The following IFNAR2 variants were observed in gnomAD, a reference collection of about 807,000 sequenced individuals.
IFNAR2 encodes interferon alpha and beta receptor subunit 2, also known as interferon alpha/beta receptor 2.
Under a neutral mutation model 49.4 loss-of-function variants are expected in IFNAR2, and 30 were observed. That is an observed-to-expected ratio of 0.61 (90% confidence interval 0.45 to 0.82). The LOEUF (loss-of-function observed/expected upper bound fraction) is 0.82, where lower values mean the gene tolerates loss of function less well. Ranked by LOEUF, IFNAR2 falls within the 40% of genes least tolerant of loss-of-function variation. The probability of loss-of-function intolerance (pLI) is 0.00; values close to 1 mark genes in which losing one functional copy is unlikely to be tolerated. For missense variants in IFNAR2, 600 were observed against 622.7 expected (o/e 0.96, Z 0.39); for synonymous variants, 224 against 234.5 (o/e 0.96, Z 0.41).
intron 6 of IFNAR2, chr21:33,252,395 A>G: frequency 8.3e-7 from 1 of 1,198,660 alleles, no homozygotes; most frequent in Non-Finnish European, 1.1e-6. Context: ...TTCCTCTTTG[A>G]AGACTTTTAT....
intron 7 of IFNAR2, among the ~76,000 whole-genome samples, chr21:33,253,132 T>G (rs1987979321): frequency 6.6e-6 from 1 of 152,230 alleles, no homozygotes; most frequent in South Asian, 2.1e-4. Context: ...GTGTGGCCAT[T>G]GCTGAAGCCA....
intron 5 of IFNAR2, among the ~76,000 whole-genome samples, chr21:33,248,240 C>T (rs1448024260): frequency 1.3e-5 from 2 of 152,000 alleles, no homozygotes; most frequent in African/African-American, 4.8e-5. Flanking sequence ...GGCACAGTGG[C>T]TCACACCTGT....
At position 33,236,432 on chromosome 21, in the gene IFNAR2, C is replaced by T. The variant is rs73360253; in HGVS notation, c.-83-5408C>T. On this transcript the variant is annotated intron_variant, in intron 1 of 8. Coordinates refer to ENST00000342136, the MANE Select transcript of IFNAR2 (RefSeq NM_001289125.3). ...TAGTGGCCACGTCCAAGGGTCTTTA[C>T]GTCTCTGCCTCAGATATGCTAGGTA... 1.6e-3 allele frequency among the ~76,000 whole-genome samples: 238 copies of T among 152,310 alleles called. 3 individuals carry two copies. In the Middle Eastern group the frequency reaches 0.027, roughly 17 times the overall value.
chr21:33,250,989 G>T (rs760389370), intron 6 of IFNAR2, among the ~76,000 whole-genome samples: 2 of 152,196 alleles, frequency 1.3e-5, no homozygotes, highest in Non-Finnish European at 2.9e-5. Context: ...AGGAGGAGAC[G>T]TGGGGAAGGA....
chr21:33,246,706 T>C lies in IFNAR2; in HGVS notation c.222-12T>C. ...CTAACAATTTCCTTTTTCCATTTTT[T>C]TCTTTCCAAAGTAAACCAGAAGATT... On this transcript the variant is annotated splice_polypyrimidine_tract_variant and intron_variant, in intron 4 of 8. Transcript: ENST00000342136. 1.2e-6 allele frequency: 2 copies of C among 1,603,044 alleles called. No homozygotes were observed. The highest frequency in any genetic ancestry group is 2.2e-5 in the South Asian group (2 of 89,080).
chr21:33,245,684 A>G (rs17860189), intron 4 of IFNAR2, among the ~76,000 whole-genome samples: 1,665 of 152,154 alleles, frequency 0.011, 30 homozygotes, highest in African/African-American at 0.039. Context: ...ACACCTACCA[A>G]TCGCCCTTAG....
In IFNAR2 at chr21:33,262,776, T is replaced by C. The variant is rs748562629; in HGVS notation, c.841-17T>C. On this transcript the variant is annotated splice_polypyrimidine_tract_variant and intron_variant, in intron 8 of 8. Coordinates refer to ENST00000342136, the MANE Select transcript of IFNAR2 (RefSeq NM_001289125.3). ...CAGCTGATACGGACTCTCTCTCTCT[T>C]TTTTTTTTTTTTTAAGAATTTTCAT... 1.5e-4 allele frequency: 143 copies of C among 937,782 alleles called. No homozygotes were observed. The highest frequency in any genetic ancestry group is 3.0e-4 in the African/African-American group (13 of 42,648). 58.1% of individuals were successfully genotyped at this position (937,782 alleles called of 1,614,324 possible).
chr21:33,246,645 T>G (rs1987429516), intron 4 of IFNAR2, 73 bp from the exon 5 acceptor site: 1 of 1,154,334 alleles, frequency 8.7e-7, no homozygotes. Flanking sequence ...AACAATGAAG[T>G]AAGGCGCCCA....
chr21:33,234,322 A>G (rs948709754), intron 1 of IFNAR2, among the ~76,000 whole-genome samples: 1 of 152,158 alleles, frequency 6.6e-6, no homozygotes, highest in Admixed American at 6.5e-5. Context: ...AAAATAAGCT[A>G]GAATCAAATA....
intron 6 of IFNAR2, chr21:33,251,666 A>G: frequency 1.0e-6 from 1 of 985,164 alleles, no homozygotes; most frequent in Non-Finnish European, 1.2e-6. Context: ...TTAAACTGCT[A>G]GTAAGAATGT....
chr21:33,254,737 C>G (rs1435763557), intron 7 of IFNAR2, among the ~76,000 whole-genome samples: 1 of 152,086 alleles, frequency 6.6e-6, no homozygotes, highest in Non-Finnish European at 1.5e-5. Context: ...TCGAATTGTC[C>G]CACCTTTCCA....
rs1385059343 is a variant in IFNAR2, at chr21:33,243,664, TC to T, written c.56-7del. The stretch of plus-strand genomic sequence containing the variant: ...CTATTGCCTCTCTAATGTGTTTTCT[TC>T]CTTCTAGTGTATATCAGCCTCGTGT... On this transcript the variant is annotated splice_region_variant and splice_polypyrimidine_tract_variant and intron_variant, in intron 2 of 8. Coordinates refer to ENST00000342136, the MANE Select transcript of IFNAR2 (RefSeq NM_001289125.3). The T allele has an allele frequency of 6.2e-7, 1 of 1,611,910 alleles. No individual in the cohort carries two copies. Among genetic ancestry groups the T allele is most frequent in the Admixed American group, 1.7e-5 (1 of 59,992 alleles).
At chr21:33,247,254 C>CTTTTTTTTTTTTTTTTTTTTTTTTTTTTT (rs59707670) in intron 5 of IFNAR2, among the ~76,000 whole-genome samples, 7 of 91,572 alleles carry the variant, frequency 7.6e-5, no homozygotes, top group Admixed American at 1.3e-4. Flanking sequence ...TTCTTTCTTT[C>CTTTTTTTTTTTTTTTTTTTTTTTTTTTTT]TTTTTTTTTT....
At chr21:33,247,254 CT>C (rs59707670) in intron 5 of IFNAR2, among the ~76,000 whole-genome samples, 58 of 91,564 alleles carry the variant, frequency 6.3e-4, no homozygotes, top group Admixed American at 1.2e-3. Flanking sequence ...TTCTTTCTTT[CT>C]TTTTTTTTTT....
chr21:33,230,083 CCCCCGCCCGCCGCTTCTGTCCGAGA>C lies in IFNAR2; in HGVS notation c.-216_-192del. ...ACCCGGCCGCACGGGCCGCTTTTGT[CCCCCGCCCGCCGCTTCTGTCCGAGA>C]GGCCGCCCGCGAGGCGCATCCTGAC... On this transcript the variant is annotated 5_prime_UTR_variant, in exon 1 of 9. Coordinates refer to ENST00000342136, the MANE Select transcript of IFNAR2 (RefSeq NM_001289125.3). This position sits in a 1 kb window ranked among gnomAD's most constrained non-coding sequence, Gnocchi z 5.5. 1.0e-6 allele frequency: 1 copy of C among 988,256 alleles called. No homozygotes were observed. The highest frequency in any genetic ancestry group is 1.2e-6 in the Non-Finnish European group (1 of 831,258). The allele number at this position is 988,256 out of a possible 1,614,324, so 61.2% of individuals were successfully genotyped here.
At chr21:33,250,011 A>G (rs1237677062) in intron 6 of IFNAR2, among the ~76,000 whole-genome samples, 4 of 152,194 alleles carry the variant, frequency 2.6e-5, no homozygotes, top group African/African-American at 9.7e-5. Flanking sequence ...CCAAGGCTTA[A>G]CAGAGCATCC....
At chr21:33,231,618 C>G in intron 1 of IFNAR2, 1 of 793,588 alleles carries the variant, frequency 1.3e-6, no homozygotes, top group Non-Finnish European at 1.5e-6. Flanking sequence ...CTCACACTTG[C>G]ACACTCAAAG....
chr21:33,246,756 A>G lies in IFNAR2; in HGVS notation c.260A>G (p.Asn87Ser). The G allele has an allele frequency of 6.2e-7, 1 of 1,613,984 alleles. No individual in the cohort carries two copies. Among genetic ancestry groups the G allele is most frequent in the South Asian group, 1.1e-5 (1 of 91,070 alleles). The change falls in exon 5 of 9, where the codon AAT becomes AGT. Residue 87 changes from asparagine (N) to serine (S), a missense_variant. By Grantham distance (46) the Asn-to-Ser change is conservative (BLOSUM62 1). Transcript: ENST00000342136. ...EDLKVVKNCA[N>S]TTRSFCDLTD... is the part of the protein sequence containing the mutation. ...TTGAAGGTGGTTAAGAACTGTGCAA[A>G]TACCACAAGATCATTTTGTGACCTC...
At chr21:33,261,886 T>G (rs1367582941) in intron 8 of IFNAR2, among the ~76,000 whole-genome samples, 1 of 151,658 alleles carries the variant, frequency 6.6e-6, no homozygotes, top group African/African-American at 2.4e-5. Context: ...TAAAAATATA[T>G]AAATATCTTA....
Sources: gnomAD v4.1 joint callset for allele counts (sites outside exome capture counted in the v4.1 genomes callset) on GRCh38, gnomAD v4.1.1 for gene constraint, Gnocchi (gnomAD v3.1) non-coding constraint, MANE v1.5 for transcripts, NCBI Gene and HGNC (gene_info 2026-07-23, HGNC 2026-07-21) for gene names.